MITF: variants seen among roughly 807,000 people sequenced by gnomAD.
MITF encodes the protein microphthalmia-associated transcription factor.
In MITF, 17 loss-of-function variants were observed where a neutral mutation model predicts 60.5. The observed-to-expected ratio is 0.28, with a 90% CI of 0.19 to 0.42. MITF has a LOEUF of 0.42. Ranked by LOEUF, MITF falls within the 10% of genes least tolerant of loss-of-function variation. The pLI is 1.00. For missense variants in MITF, 622 were observed against 683.5 expected, an observed-to-expected ratio of 0.91 and a Z score of 1.00; for synonymous variants, 260 against 248.5, an observed-to-expected ratio of 1.05 and a Z score of -0.43.
At chr3:69,921,098 C>G (rs528167142) in intron 2 of MITF, among the ~76,000 whole-genome samples, 117 of 152,318 alleles carry the variant, frequency 7.7e-4, no homozygotes, top group Non-Finnish European at 1.0e-3. Flanking sequence ...TCTCGGACAC[C>G]TAACCTCAGG....
chr3:69,799,183 T>A (rs1357372091), intron 1 of MITF, among the ~76,000 whole-genome samples: 1 of 152,160 alleles, frequency 6.6e-6, no homozygotes, highest in Non-Finnish European at 1.5e-5. Flanking sequence ...TAGAGGAGGT[T>A]TTAGGATGTG....
intron 2 of MITF, among the ~76,000 whole-genome samples, chr3:69,919,927 A>G (rs2065425168): frequency 6.6e-6 from 1 of 152,214 alleles, no homozygotes; most frequent in Non-Finnish European, 1.5e-5. Context: ...CGAGGACACC[A>G]GCTGTTCCAG....
intron 2 of MITF, among the ~76,000 whole-genome samples, chr3:69,906,644 T>G (rs2065106292): frequency 6.6e-6 from 1 of 152,172 alleles, no homozygotes. Context: ...AAGTCTTATT[T>G]TACATGGTCT....
intron 1 of MITF, among the ~76,000 whole-genome samples, chr3:69,787,123 GA>G (rs2106899306): frequency 6.6e-6 from 1 of 152,302 alleles, no homozygotes; most frequent in South Asian, 2.1e-4. Flanking sequence ...TAGCAAAGGA[GA>G]AGCTCAAACC....
rs2066714241 is a variant in MITF, at chr3:69,967,342, T to G, written c.*2094T>G. The G allele has an allele frequency of 4.3e-6, 1 of 232,528 alleles. No homozygotes were observed. 14.4% of individuals were successfully genotyped at this position (232,528 alleles called of 1,614,324 possible). A position where few individuals can be genotyped will look rare whatever the true frequency, so the allele number is the denominator to read the frequency against. On this transcript the variant is annotated 3_prime_UTR_variant, in exon 10 of 10. Coordinates refer to ENST00000352241, the MANE Select transcript of MITF (RefSeq NM_001354604.2). ...GCAAATCTGCATGAACAGCTAATTGTACCATAGTGTTCATTGATACAATCA... is the reference window on the plus strand; with the variant it reads ...GCAAATCTGCATGAACAGCTAATTGGACCATAGTGTTCATTGATACAATCA...
intron 1 of MITF, among the ~76,000 whole-genome samples, chr3:69,768,391 A>C (rs578244411): frequency 5.3e-5 from 8 of 152,336 alleles, no homozygotes; most frequent in African/African-American, 1.7e-4. Flanking sequence ...CACTCCATAG[A>C]TTGACAAGCA....
At chr3:69,903,794 G>A (rs2065042340) in intron 2 of MITF, among the ~76,000 whole-genome samples, 1 of 152,132 alleles carries the variant, frequency 6.6e-6, no homozygotes, top group Admixed American at 6.5e-5. Context: ...GTGGGTGTTT[G>A]GGCAGCAAGT....
chr3:69,890,036 A>G (rs1238069187), intron 2 of MITF, among the ~76,000 whole-genome samples: 1 of 152,102 alleles, frequency 6.6e-6, no homozygotes, highest in East Asian at 1.9e-4. Flanking sequence ...TATAAAAATT[A>G]TTATCTTCTC....
At chr3:69,839,561 A>G (rs991462761) in intron 1 of MITF, among the ~76,000 whole-genome samples, 75 of 152,028 alleles carry the variant, frequency 4.9e-4, no homozygotes, top group African/African-American at 1.7e-3. Flanking sequence ...GTCTAGTTGC[A>G]TCCTCCCAGC....
chr3:69,739,529 A>G lies in MITF; in HGVS notation c.-69A>G. 7.1e-7 allele frequency: 1 copy of G among 1,410,968 alleles called. No individual in the cohort carries two copies. 87.4% of individuals were successfully genotyped at this position (1,410,968 alleles called of 1,614,324 possible). A position where few individuals can be genotyped will look rare whatever the true frequency, so the allele number is the denominator to read the frequency against. ...CGCACGGCTCGGGGGACCCAGGCCC[A>G]GCTACCTTCCCTCCGCCCCCGGGCT... On this transcript the variant is annotated 5_prime_UTR_variant, in exon 1 of 10. Coordinates refer to ENST00000352241, the MANE Select transcript of MITF (RefSeq NM_001354604.2).
chr3:69,894,949 C>T (rs1043823669), intron 2 of MITF, among the ~76,000 whole-genome samples: 4 of 152,174 alleles, frequency 2.6e-5, no homozygotes, highest in African/African-American at 9.7e-5. Context: ...ACAATTGATA[C>T]TGCAACCATG....
chr3:69,869,077 C>CA (rs1234493710), intron 1 of MITF, among the ~76,000 whole-genome samples: 1 of 152,106 alleles, frequency 6.6e-6, no homozygotes, highest in Non-Finnish European at 1.5e-5. Flanking sequence ...CTGGATGATT[C>CA]AAGCAAATGG....
intron 2 of MITF, among the ~76,000 whole-genome samples, chr3:69,926,117 G>C (rs1300549985): frequency 6.6e-6 from 1 of 152,174 alleles, no homozygotes; most frequent in African/African-American, 2.4e-5. Context: ...GAAGCTCTCA[G>C]CACAGTGCAT....
chr3:69,745,163 T>C (rs896339046), intron 1 of MITF, among the ~76,000 whole-genome samples: 1 of 152,244 alleles, frequency 6.6e-6, no homozygotes, highest in Admixed American at 6.5e-5. Context: ...ATTAATGCTG[T>C]TAATTCAACC....
intron 1 of MITF, among the ~76,000 whole-genome samples, chr3:69,781,076 G>GC (rs2062555776): frequency 6.9e-6 from 1 of 143,946 alleles, no homozygotes. Context: ...AGTGAGTTTT[G>GC]TTTTTTTTTT....
chr3:69,879,519 T>G, intron 2 of MITF, 136 bp downstream of exon 2: 8 of 1,443,586 alleles, frequency 5.5e-6, no homozygotes, highest in Non-Finnish European at 7.6e-6. Flanking sequence ...ACTCCCTTAA[T>G]TCTTACGTGG....
chr3:69,746,022 C>T (rs1379213385), intron 1 of MITF, among the ~76,000 whole-genome samples: 1 of 152,146 alleles, frequency 6.6e-6, no homozygotes, highest in Non-Finnish European at 1.5e-5. Flanking sequence ...AATCATGCAT[C>T]CAAAACAAAG....
In MITF at chr3:69,805,896, G is replaced by T. The variant is rs1235884295; in HGVS notation, c.104+66195G>T. ...GACTGGTCTCAAACTCCTAGCCTTA[G>T]GTGATCCTCCTGCCTTGTTCTTCCA... is the stretch of plus-strand genomic sequence containing the variant. On this transcript the variant is annotated intron_variant, in intron 1 of 9. Coordinates refer to ENST00000352241, the MANE Select transcript of MITF (RefSeq NM_001354604.2). Among the ~76,000 whole-genome samples the T allele has an allele frequency of 2.6e-5, 4 of 151,996 alleles. No homozygotes were observed. The East Asian group carries it at 7.7e-4, about 29-fold the overall frequency.
chr3:69,892,390 C>T (rs549322304), intron 2 of MITF, among the ~76,000 whole-genome samples: 2 of 152,222 alleles, frequency 1.3e-5, no homozygotes, highest in East Asian at 3.9e-4. Flanking sequence ...GCTTCTAACC[C>T]CAGAGTGGTA....
Sources: gnomAD v4.1 joint callset for allele counts (sites outside exome capture counted in the v4.1 genomes callset) on GRCh38, gnomAD v4.1.1 for gene constraint, MANE v1.5 for transcripts, NCBI Gene and HGNC (gene_info 2026-07-23, HGNC 2026-07-21) for gene names.